Variants in SORCS2 observed in about 807,000 individuals in gnomAD.
SORCS2 encodes the protein VPS10 domain-containing receptor SorCS2.
Under a neutral mutation model 141.6 loss-of-function variants are expected in SORCS2, and 100 were observed. The observed-to-expected ratio is 0.71, with a 90% confidence interval of 0.60 to 0.83. The LOEUF (loss-of-function observed/expected upper bound fraction) is 0.83, where lower values mean the gene tolerates loss of function less well. SORCS2 is among the 40% of genes least tolerant of loss of function. The pLI is 0.00. For synonymous variants in SORCS2, 789 were observed against 676.9 expected, an observed-to-expected ratio of 1.17 and a Z score of -2.57; for missense variants, 1,646 against 1,560.2, an observed-to-expected ratio of 1.05 and a Z score of -0.93.
chr4:7,512,913 G>C (rs942629029), intron 2 of SORCS2, among the ~76,000 whole-genome samples: 1 of 152,180 alleles, frequency 6.6e-6, no homozygotes, highest in Non-Finnish European at 1.5e-5. Flanking sequence ...CCTTGGAGCC[G>C]TATTTCTTCC....
intron 1 of SORCS2, among the ~76,000 whole-genome samples, chr4:7,365,051 G>A (rs536032584): frequency 7.2e-5 from 11 of 152,338 alleles, no homozygotes; most frequent in South Asian, 4.1e-4. Context: ...GTGGATTCAT[G>A]TCCAGCGCTG....
In SORCS2 at chr4:7,539,798, C is replaced by T. The variant is rs564737530; in HGVS notation, c.648+8169C>T. ...ACCCCTTCCTGTTGTGGATGCTCTGCCTCCTTCCTGCTGTGGAGGCCCCAC... is the reference window on the plus strand; with the variant it reads ...ACCCCTTCCTGTTGTGGATGCTCTGTCTCCTTCCTGCTGTGGAGGCCCCAC... On this transcript the variant is annotated intron_variant, in intron 3 of 26. Coordinates refer to ENST00000507866, the MANE Select transcript of SORCS2 (RefSeq NM_020777.3). 6.2e-3 allele frequency among the ~76,000 whole-genome samples: 924 copies of T among 148,856 alleles called. 8 individuals are homozygous for T. The highest frequency in any genetic ancestry group is 0.022 in the African/African-American group (889 of 40,130).
chr4:7,389,330 G>A (rs991787948), intron 1 of SORCS2, among the ~76,000 whole-genome samples: 3 of 152,136 alleles, frequency 2.0e-5, no homozygotes, highest in Non-Finnish European at 4.4e-5. Context: ...CCCGGGACAG[G>A]CGAGGGTCTG....
chr4:7,430,058 T>C (rs925700424), intron 2 of SORCS2, among the ~76,000 whole-genome samples: 1 of 151,988 alleles, frequency 6.6e-6, no homozygotes, highest in Non-Finnish European at 1.5e-5. Flanking sequence ...CAGGCCCGCT[T>C]CTCGTTGTAA....
At chr4:7,471,646 G>GCGTC (rs1729985680) in intron 2 of SORCS2, among the ~76,000 whole-genome samples, 1 of 152,220 alleles carries the variant, frequency 6.6e-6, no homozygotes, top group African/African-American at 2.4e-5. Flanking sequence ...GGAACCAGGT[G>GCGTC]CGTCCCTTGT....
chr4:7,631,453 G>A (rs1002723395), intron 3 of SORCS2, among the ~76,000 whole-genome samples: 1 of 151,838 alleles, frequency 6.6e-6, no homozygotes, highest in African/African-American at 2.4e-5. Flanking sequence ...GTCCCTCTGG[G>A]GCATCTTTTT....
At chr4:7,326,444 C>A (rs1334353381) in intron 1 of SORCS2, among the ~76,000 whole-genome samples, 2 of 151,864 alleles carry the variant, frequency 1.3e-5, no homozygotes, top group African/African-American at 4.8e-5. Context: ...AGCCCTGCCG[C>A]CCCAGCCGTG....
At chr4:7,294,167 G>A (rs1294918504) in intron 1 of SORCS2, among the ~76,000 whole-genome samples, 2 of 152,146 alleles carry the variant, frequency 1.3e-5, no homozygotes, top group African/African-American at 2.4e-5. Flanking sequence ...ATGTGCATAC[G>A]CACCGGTGAT....
chr4:7,589,451 G>T (rs1222638564), intron 3 of SORCS2, among the ~76,000 whole-genome samples: 1 of 151,944 alleles, frequency 6.6e-6, no homozygotes, highest in African/African-American at 2.4e-5. Flanking sequence ...GGCCCAGGTT[G>T]GTGTGCAGTG....
At chr4:7,724,492 G>GTGGTGGTGATAA (rs1553808424) in intron 19 of SORCS2, among the ~76,000 whole-genome samples, 3 of 142,292 alleles carry the variant, frequency 2.1e-5, no homozygotes, top group African/African-American at 8.4e-5. Context: ...GATGGTGGTG[G>GTGGTGGTGATAA]TGGTGACAAT....
At chr4:7,383,865 C>T (rs1409077178) in intron 1 of SORCS2, among the ~76,000 whole-genome samples, 1 of 152,108 alleles carries the variant, frequency 6.6e-6, no homozygotes, top group African/African-American at 2.4e-5. Flanking sequence ...ATAATATTTT[C>T]AAAGGACAGC....
At chr4:7,327,952 G>C (rs879855834) in intron 1 of SORCS2, among the ~76,000 whole-genome samples, 7 of 151,630 alleles carry the variant, frequency 4.6e-5, no homozygotes, top group Admixed American at 4.6e-4. Flanking sequence ...ACACGTCTCA[G>C]GAACTTCCTT....
intron 2 of SORCS2, among the ~76,000 whole-genome samples, chr4:7,414,433 C>T (rs1358684703): frequency 6.6e-6 from 1 of 152,120 alleles, no homozygotes. Flanking sequence ...CAGTGGGAGC[C>T]GCGGGGCAAT....
intron 2 of SORCS2, among the ~76,000 whole-genome samples, chr4:7,468,513 TAACAGCCAAGAA>T (rs1729758718): frequency 1.3e-5 from 2 of 152,246 alleles, no homozygotes; most frequent in Non-Finnish European, 1.5e-5. Context: ...TCCTTCTGTG[TAACAGCCAAGAA>T]GCCTCATGGT....
chr4:7,454,926 G>A (rs1471733104), intron 2 of SORCS2, among the ~76,000 whole-genome samples: 2 of 134,380 alleles, frequency 1.5e-5, no homozygotes, highest in African/African-American at 5.6e-5. Context: ...GGGGTCAGGT[G>A]CTGTGTGTTG....
rs967787089 is a variant in SORCS2, at chr4:7,289,960, C to T, written c.480+96834C>T. Among the ~76,000 whole-genome samples, 8 of 152,324 alleles carry T rather than the reference C, an allele frequency of 5.3e-5. No individual in the cohort carries two copies. The East Asian group carries it at 7.7e-4, about 15-fold the overall frequency. On this transcript the variant is annotated intron_variant, in intron 1 of 26. Transcript: ENST00000507866. ...GGGGACAAGGACAAGAGTCCCCTTC[C>T]GATTGCCTGAAAAGCCATCCTCTGA...
intron 2 of SORCS2, among the ~76,000 whole-genome samples, chr4:7,454,103 G>GCTGTGTTGGGGTCAGGCA (rs1728688927): frequency 8.2e-6 from 1 of 122,092 alleles, no homozygotes; most frequent in Non-Finnish European, 1.7e-5. Context: ...GGGGTCAGGT[G>GCTGTGTTGGGGTCAGGCA]CTGTGTTGGG....
At position 7,262,690 on chromosome 4, in the gene SORCS2, T is replaced by C. The variant is rs184395686; in HGVS notation, c.480+69564T>C. On this transcript the variant is annotated intron_variant, in intron 1 of 26. Transcript: ENST00000507866. Reference sequence around the variant, plus strand: ...GGGCCTCTGAGGAGGGGGCTGGGAGTGTGCAGCCATCCTGCTGAGGGTTCC... The same window carrying C: ...GGGCCTCTGAGGAGGGGGCTGGGAGCGTGCAGCCATCCTGCTGAGGGTTCC... Among the ~76,000 whole-genome samples the C allele has an allele frequency of 6.2e-3, 949 of 152,096 alleles. 12 individuals are homozygous for C. The highest frequency in any genetic ancestry group is 0.022 in the African/African-American group (908 of 41,474).
At chr4:7,370,903 A>G (rs1001211659) in intron 1 of SORCS2, among the ~76,000 whole-genome samples, 2 of 152,042 alleles carry the variant, frequency 1.3e-5, no homozygotes, top group African/African-American at 4.8e-5. Flanking sequence ...TCCCCTAGGC[A>G]GCTGCTGCTG....
Sources: allele counts gnomAD v4.1 joint callset (sites outside exome capture counted in the v4.1 genomes callset), GRCh38; gene constraint gnomAD v4.1.1; transcripts MANE v1.5; gene names NCBI Gene and HGNC (gene_info 2026-07-23, HGNC 2026-07-21).